TENM4: variants seen among roughly 807,000 people sequenced by gnomAD.
The protein encoded by TENM4 is teneurin-4.
Under a neutral mutation model 243.3 loss-of-function variants are expected in TENM4, and 82 were observed. The observed-to-expected ratio is 0.34, with a 90% CI of 0.28 to 0.40. The LOEUF (loss-of-function observed/expected upper bound fraction) is 0.40, where lower values mean the gene tolerates loss of function less well. TENM4 is among the 10% of genes least tolerant of loss of function. The probability of loss-of-function intolerance (pLI) is 1.00; values close to 1 mark genes in which losing one functional copy is unlikely to be tolerated. For synonymous variants in TENM4, 1,412 were observed against 1,456.3 expected, an observed-to-expected ratio of 0.97 and a Z score of 0.69; for missense variants, 3,138 against 3,673.3, an observed-to-expected ratio of 0.85 and a Z score of 3.77.
chr11:79,066,464 C>T (rs192239962), intron 5 of TENM4, among the ~76,000 whole-genome samples: 6,770 of 151,256 alleles, frequency 0.045, 509 homozygotes, highest in African/African-American at 0.16. Context: ...TTGTGCTCCC[C>T]TGGTGTGTCC....
At chr11:78,819,488 G>C (rs1222590367) in intron 12 of TENM4, among the ~76,000 whole-genome samples, 1 of 152,158 alleles carries the variant, frequency 6.6e-6, no homozygotes, top group African/African-American at 2.4e-5. Flanking sequence ...CTGTCTCACA[G>C]GGGCAGTAAT....
rs371215824 is a variant in TENM4, at chr11:79,410,781, G to A, written c.-321+29728C>T. On this transcript the variant is annotated intron_variant, in intron 1 of 33. Coordinates refer to ENST00000278550, the MANE Select transcript of TENM4 (RefSeq NM_001098816.3). Reference sequence around the variant, plus strand: ...TTAGGAGATGTGAAGTGCCTGGTACGTGGTAGGCATTTAATAAGTGTGAGT... The same window carrying A: ...TTAGGAGATGTGAAGTGCCTGGTACATGGTAGGCATTTAATAAGTGTGAGT... Among the ~76,000 whole-genome samples, 6 of 152,290 alleles carry A rather than the reference G, an allele frequency of 3.9e-5. No homozygotes were observed. The South Asian group carries it at 8.3e-4, about 21-fold the overall frequency.
At chr11:79,011,176 A>T (rs2136752930) in intron 6 of TENM4, among the ~76,000 whole-genome samples, 1 of 152,348 alleles carries the variant, frequency 6.6e-6, no homozygotes. Context: ...TCCAGAACAG[A>T]TGGGCCCACG....
rs1197689230 is a variant in TENM4 at position 79,260,033 on chromosome 11, G to C, written c.-265+37455C>G. The stretch of plus-strand genomic sequence containing the variant: ...CACCTGGAGGGCTGTGGGTGGTGGA[G>C]AGAAGTGGCTTTTTATATGGAGGTT... On this transcript the variant is annotated intron_variant, in intron 2 of 33. Coordinates refer to ENST00000278550, the MANE Select transcript of TENM4 (RefSeq NM_001098816.3). Among the ~76,000 whole-genome samples the C allele has an allele frequency of 2.0e-5, 3 of 152,330 alleles. No homozygotes were observed. In the South Asian group the frequency reaches 6.2e-4, roughly 32 times the overall value.
intron 1 of TENM4, among the ~76,000 whole-genome samples, chr11:79,393,458 T>C (rs934055097): frequency 1.3e-5 from 2 of 152,236 alleles, no homozygotes; most frequent in African/African-American, 2.4e-5. Flanking sequence ...CATCCTTCAG[T>C]CCTCAGTGGC....
At chr11:79,126,937 A>G (rs1861891563) in intron 4 of TENM4, among the ~76,000 whole-genome samples, 2 of 152,172 alleles carry the variant, frequency 1.3e-5, no homozygotes, top group Non-Finnish European at 2.9e-5. Context: ...CTCTGAGCTG[A>G]TGCTGACTCC....
intron 1 of TENM4, among the ~76,000 whole-genome samples, chr11:79,375,007 T>A (rs1319945591): frequency 2.0e-5 from 3 of 152,236 alleles, no homozygotes; most frequent in African/African-American, 7.2e-5. Context: ...GGGAATTCCA[T>A]GAGAAAGACT....
chr11:78,991,695 A>C (rs953412925), intron 6 of TENM4, among the ~76,000 whole-genome samples: 1 of 152,132 alleles, frequency 6.6e-6, no homozygotes, highest in African/African-American at 2.4e-5. Flanking sequence ...ATGCAGGGAG[A>C]CCAGGTGGCA....
rs567357306 is a variant in TENM4 at position 79,128,468 on chromosome 11, G to C, written c.-66+20242C>G. The stretch of plus-strand genomic sequence containing the variant: ...TCCTGAAGGCACAAATAAGTTACAT[G>C]AGGAAGTGGCTCAAATGCCCACGGT... On this transcript the variant is annotated intron_variant, in intron 4 of 33. Coordinates refer to ENST00000278550, the MANE Select transcript of TENM4 (RefSeq NM_001098816.3). 1.8e-3 allele frequency among the ~76,000 whole-genome samples: 280 copies of C among 152,320 alleles called. 1 individual carries two copies. The highest frequency in any genetic ancestry group is 6.6e-3 in the African/African-American group (273 of 41,568).
chr11:79,178,070 T>C (rs944188702), intron 3 of TENM4, among the ~76,000 whole-genome samples: 1 of 152,132 alleles, frequency 6.6e-6, no homozygotes, highest in Non-Finnish European at 1.5e-5. Context: ...TCCGATCATA[T>C]ACTTCACATA....
intron 1 of TENM4, among the ~76,000 whole-genome samples, chr11:79,382,590 C>T (rs1858027167): frequency 6.6e-6 from 1 of 152,020 alleles, no homozygotes; most frequent in Non-Finnish European, 1.5e-5. Context: ...TGGCAGAATC[C>T]AAGCAATTAT....
intron 2 of TENM4, among the ~76,000 whole-genome samples, chr11:79,281,445 C>CT (rs1057429885): frequency 2.0e-5 from 3 of 152,068 alleles, no homozygotes; most frequent in African/African-American, 7.2e-5. Context: ...TTGGAGAATG[C>CT]TTTTTTAGTT....
chr11:78,988,202 A>G (rs1025856518), intron 6 of TENM4, among the ~76,000 whole-genome samples: 1 of 152,208 alleles, frequency 6.6e-6, no homozygotes, highest in Non-Finnish European at 1.5e-5. Context: ...GAGGATACTC[A>G]AGTAGCTATG....
At position 78,669,147 on chromosome 11, in the gene TENM4, T is replaced by C. The variant is rs1401851543; in HGVS notation, c.7198A>G (p.Ile2400Val). 1.9e-6 allele frequency: 3 copies of C among 1,613,712 alleles called. No homozygotes were observed. The highest frequency in any genetic ancestry group is 1.7e-5 in the Admixed American group (1 of 59,970). ...TCATAGAGGCCACCATGGTAGCCTA[T>C]GATGATCTGAAAGTTGGGGTTGGTA... is the stretch of plus-strand genomic sequence containing the variant. ...MDTNPNFQII[I>V]GYHGGLYDPL... The change falls in exon 32 of 34, where the codon ATA becomes GTA. Residue 2400 changes from isoleucine (I) to valine (V), a missense_variant. Transcript: ENST00000278550. The surrounding 1 kb of genome is among the most constrained non-coding windows in gnomAD (Gnocchi z 6.4).
In TENM4 at chr11:78,658,051, C is replaced by G. The variant is rs773376297; in HGVS notation, c.*7G>C. The G allele has an allele frequency of 8.1e-6, 13 of 1,611,396 alleles. No homozygotes were observed. Among genetic ancestry groups the G allele is most frequent in the Non-Finnish European group, 1.0e-5 (12 of 1,178,466 alleles). ...TGTCTTTGGCAAGAAGTCCTTGGTC[C>G]TCTCTGTCACCTCCGGCCCATCTCG... On this transcript the variant is annotated 3_prime_UTR_variant, in exon 34 of 34. Coordinates refer to ENST00000278550, the MANE Select transcript of TENM4 (RefSeq NM_001098816.3).
At chr11:78,692,254 T>C (rs1343173486) in intron 28 of TENM4, among the ~76,000 whole-genome samples, 5 of 152,160 alleles carry the variant, frequency 3.3e-5, no homozygotes, top group African/African-American at 1.2e-4. Flanking sequence ...TTTAAAAAGG[T>C]CTCTGGAGCC....
intron 15 of TENM4, among the ~76,000 whole-genome samples, chr11:78,791,735 T>C (rs1008429570): frequency 2.6e-5 from 4 of 152,222 alleles, no homozygotes; most frequent in African/African-American, 9.6e-5. Flanking sequence ...ATATAATAAA[T>C]ACACACATTT....
chr11:79,325,874 A>C (rs1340318969), intron 1 of TENM4, among the ~76,000 whole-genome samples: 1 of 152,226 alleles, frequency 6.6e-6, no homozygotes, highest in Non-Finnish European at 1.5e-5. Context: ...CATCCTTAAG[A>C]GAGCATGAAA....
chr11:79,297,285 C>A (rs1590860306), intron 2 of TENM4, among the ~76,000 whole-genome samples: 1 of 152,182 alleles, frequency 6.6e-6, no homozygotes, highest in Non-Finnish European at 1.5e-5. Flanking sequence ...CAACTCCACA[C>A]TGGGAGCAAA....
Sources: gnomAD v4.1 joint callset for allele counts (sites outside exome capture counted in the v4.1 genomes callset) on GRCh38, gnomAD v4.1.1 for gene constraint, Gnocchi (gnomAD v3.1) non-coding constraint, MANE v1.5 for transcripts, NCBI Gene and HGNC (gene_info 2026-07-23, HGNC 2026-07-21) for gene names.